Variants in PCDHGA12 observed in about 807,000 individuals in gnomAD.
The protein encoded by PCDHGA12 is protocadherin gamma subfamily A, 12, also known as protocadherin gamma-A12.
PCDHGA12 carries 43 observed loss-of-function variants against 61.1 expected under a neutral mutation model. The observed-to-expected ratio is 0.70, with a 90% CI of 0.55 to 0.91. The LOEUF is 0.91. PCDHGA12 is among the 40% of genes least tolerant of loss of function. The pLI is 0.00. For missense variants in PCDHGA12, 1,236 were observed against 1,227.7 expected (o/e 1.01, Z -0.10); for synonymous variants, 520 against 542.9 (o/e 0.96, Z 0.59).
intron 1 of PCDHGA12, among the ~76,000 whole-genome samples, chr5:141,472,980 C>CAAAAAAAAAAAAAAAAAGAAAAAAA (rs2099309731): frequency 1.2e-5 from 1 of 86,102 alleles, no homozygotes; most frequent in African/African-American, 3.9e-5. Flanking sequence ...GAGTGAAACT[C>CAAAAAAAAAAAAAAAAAGAAAAAAA]AAAAAAAAAA....
chr5:141,511,041 C>T lies in PCDHGA12; in HGVS notation c.2667C>T (p.Pro889=), dbSNP rs1421629777. 1.5e-5 allele frequency: 24 copies of T among 1,614,076 alleles called. No individual in the cohort carries two copies. The highest frequency in any genetic ancestry group is 5.5e-5 in the South Asian group (5 of 91,092). Residue 889 remains proline, a synonymous_variant, in exon 4 of 4, where the codon CCC becomes CCT. Transcript: ENST00000252085. The part of the protein sequence containing the change: ...YGPQFTLQHV[P]DYRQNVYIPG... ...CCCAGTTCACCCTGCAGCACGTGCCCGACTACCGCCAGAATGTCTACATCC... is the reference window on the plus strand; with the variant it reads ...CCCAGTTCACCCTGCAGCACGTGCCTGACTACCGCCAGAATGTCTACATCC...
At chr5:141,501,288 T>TATACAC (rs201660636) in intron 2 of PCDHGA12, among the ~76,000 whole-genome samples, 3,536 of 81,176 alleles carry the variant, frequency 0.044, 56 homozygotes, top group Admixed American at 0.065. Flanking sequence ...GATATTCCCT[T>TATACAC]ATACACACAC....
intron 1 of PCDHGA12, chr5:141,442,507 G>C (rs1394231840): frequency 1.3e-5 from 2 of 152,208 alleles, no homozygotes; most frequent in Non-Finnish European, 1.5e-5. Flanking sequence ...TATTCTAATT[G>C]CTTGGGCAGA....
rs1228771998 is a variant in PCDHGA12 at position 141,477,832 on chromosome 5, A to G, written c.2425-16975A>G. The stretch of plus-strand genomic sequence containing the variant: ...CCCCCCAGGTCCTATATCCTCGGCC[A>G]GGTGGGAGCTCGGTGGAGATGCTGC... On this transcript the variant is annotated intron_variant, in intron 1 of 3. Transcript: ENST00000252085. This position sits in a 1 kb window ranked among gnomAD's most constrained non-coding sequence, Gnocchi z 4.9. 1.2e-6 allele frequency: 2 copies of G among 1,614,166 alleles called. No homozygotes were observed. Among genetic ancestry groups the G allele is most frequent in the South Asian group, 1.1e-5 (1 of 91,086 alleles).
At position 141,437,305 on chromosome 5, in the gene PCDHGA12, G is replaced by A. The variant is rs369317069; in HGVS notation, c.2424+4122G>A. On this transcript the variant is annotated intron_variant, in intron 1 of 3. Transcript: ENST00000252085. ...TATCCATTTCATCTAACAAGTTAAA[G>A]CGTTCAGCTATAATTTAAAATTTGT... 1.8e-4 allele frequency among the ~76,000 whole-genome samples: 28 copies of A among 152,266 alleles called. No homozygotes were observed. In the South Asian group the frequency reaches 4.8e-3, roughly 26 times the overall value.
chr5:141,487,001 C>T lies in PCDHGA12; in HGVS notation c.2425-7806C>T. ...TTACAATGCTTGGGTTTCCTATCAG[C>T]TCCTGGAGGCCCCAGATCCCAGCCT... On this transcript the variant is annotated intron_variant, in intron 1 of 3. Transcript: ENST00000252085. This position sits in a 1 kb window ranked among gnomAD's most constrained non-coding sequence, Gnocchi z 5.0. 6.2e-7 allele frequency: 1 copy of T among 1,614,218 alleles called. No individual in the cohort carries two copies. The highest frequency in any genetic ancestry group is 8.5e-7 in the Non-Finnish European group (1 of 1,180,038).
At chr5:141,478,467 G>T (rs2099457769) in intron 1 of PCDHGA12, 1 of 1,613,656 alleles carries the variant, frequency 6.2e-7, no homozygotes, top group South Asian at 1.1e-5. Flanking sequence ...CCACTGGCCA[G>T]CCGCCAGAAC....
intron 1 of PCDHGA12, among the ~76,000 whole-genome samples, chr5:141,461,151 C>A (rs1424467673): frequency 6.6e-6 from 1 of 152,022 alleles, no homozygotes; most frequent in African/African-American, 2.4e-5. Context: ...TGGGTAGATA[C>A]CCAATAGTGG....
Position 141,476,370 on chromosome 5 carries a change from A to G in PCDHGA12, c.2425-18437A>G, listed in dbSNP as rs747703594. 13 of 1,613,882 alleles carry G rather than the reference A, an allele frequency of 8.1e-6. No individual in the cohort carries two copies. In the East Asian group the frequency reaches 2.7e-4, roughly 33 times the overall value. On this transcript the variant is annotated intron_variant, in intron 1 of 3. Transcript: ENST00000252085. This position sits in a 1 kb window ranked among gnomAD's most constrained non-coding sequence, Gnocchi z 7.6. ...TTTGAGGTGAACCGGGAGACCGGAG[A>G]GATGTTTGTGAACGACCGTCTGGAT...
Position 141,489,075 on chromosome 5 carries a change from C to A in PCDHGA12, c.2425-5732C>A. The A allele has an allele frequency of 3.1e-6, 1 of 324,814 alleles. No individual in the cohort carries two copies. The highest frequency in any genetic ancestry group is 5.5e-6 in the Non-Finnish European group (1 of 180,380). The allele number at this position is 324,814 out of a possible 1,614,324, so 20.1% of individuals were successfully genotyped here. A position where few individuals can be genotyped will look rare whatever the true frequency, so the allele number is the denominator to read the frequency against. ...TCAGCTCCCCTCCCCCCTGCCCACCCCCGCCACTCGGTGACTAAGAACTGC... is the reference window on the plus strand; with the variant it reads ...TCAGCTCCCCTCCCCCCTGCCCACCACCGCCACTCGGTGACTAAGAACTGC... On this transcript the variant is annotated intron_variant, in intron 1 of 3. Coordinates refer to ENST00000252085, the MANE Select transcript of PCDHGA12 (RefSeq NM_003735.3). The surrounding 1 kb of genome is among the most constrained non-coding windows in gnomAD (Gnocchi z 4.5).
chr5:141,485,888 G>T lies in PCDHGA12; in HGVS notation c.2425-8919G>T, dbSNP rs1166795987. 3 of 1,614,028 alleles carry T rather than the reference G, an allele frequency of 1.9e-6. No homozygotes were observed. The highest frequency in any genetic ancestry group is 2.5e-6 in the Non-Finnish European group (3 of 1,180,032). ...ATCCGTGCTGGACGTAAACGACAAC[G>T]CCCCAGCCTTCCAGCAATCCAGCTA... On this transcript the variant is annotated intron_variant, in intron 1 of 3. Coordinates refer to ENST00000252085, the MANE Select transcript of PCDHGA12 (RefSeq NM_003735.3). The surrounding 1 kb of genome is among the most constrained non-coding windows in gnomAD (Gnocchi z 5.7).
chr5:141,500,294 C>T (rs755761935), intron 2 of PCDHGA12, among the ~76,000 whole-genome samples: 3 of 151,732 alleles, frequency 2.0e-5, no homozygotes, highest in Non-Finnish European at 2.9e-5. Flanking sequence ...CTGCAAGCTC[C>T]GCCTCCCAGG....
rs1012728568 is a variant in PCDHGA12 at position 141,495,487 on chromosome 5, T to C, written c.2483+622T>C. Among the ~76,000 whole-genome samples, 22 of 152,328 alleles carry C rather than the reference T, an allele frequency of 1.4e-4. 1 individual carries two copies. The East Asian group carries it at 4.1e-3, about 28-fold the overall frequency. ...GGGGTCTCCGTGTCTCTGCCCCTTT[T>C]TCTTGAGTTTCCGTCTTTGCCACTT... On this transcript the variant is annotated intron_variant, in intron 2 of 3. Coordinates refer to ENST00000252085, the MANE Select transcript of PCDHGA12 (RefSeq NM_003735.3).
At chr5:141,488,146 A>G (rs1458115635) in intron 1 of PCDHGA12, among the ~76,000 whole-genome samples, 2 of 152,164 alleles carry the variant, frequency 1.3e-5, no homozygotes, top group South Asian at 4.1e-4. Context: ...AACTAAAGGA[A>G]TAGAGAGGCA....
rs146860480 is a variant in PCDHGA12 at position 141,474,581 on chromosome 5, T to G, written c.2425-20226T>G. ...GGTTTTCAGAGATTAATTGAAGTGTTAAAGACATGGAAATATAGGTCACAT... is the reference window on the plus strand; with the variant it reads ...GGTTTTCAGAGATTAATTGAAGTGTGAAAGACATGGAAATATAGGTCACAT... On this transcript the variant is annotated intron_variant, in intron 1 of 3. Transcript: ENST00000252085. Among the ~76,000 whole-genome samples the G allele has an allele frequency of 7.1e-4, 108 of 152,358 alleles. No homozygotes were observed. The East Asian group carries it at 0.015, about 21-fold the overall frequency.
rs746318177 is a variant in PCDHGA12 at position 141,431,715 on chromosome 5, T to G, written c.956T>G (p.Val319Gly). The change falls in exon 1 of 4, where the codon GTG becomes GGG. Residue 319 changes from valine to glycine, a missense_variant. Coordinates refer to ENST00000252085, the MANE Select transcript of PCDHGA12 (RefSeq NM_003735.3). The surrounding 1 kb of genome is among the most constrained non-coding windows in gnomAD (Gnocchi z 4.8). Reference sequence around the variant, plus strand: ...GAGTCAGGATTCTACCAGATGGAAGTGCAAGCAATGGATAATGCAGGATAT... The same window carrying G: ...GAGTCAGGATTCTACCAGATGGAAGGGCAAGCAATGGATAATGCAGGATAT... ...HEESGFYQME[V>G]QAMDNAGYSA... 5.6e-6 allele frequency: 9 copies of G among 1,614,178 alleles called. No homozygotes were observed. The highest frequency in any genetic ancestry group is 6.8e-6 in the Non-Finnish European group (8 of 1,180,042).
chr5:141,443,708 T>G (rs2098400247), intron 1 of PCDHGA12, among the ~76,000 whole-genome samples: 1 of 152,192 alleles, frequency 6.6e-6, no homozygotes, highest in Non-Finnish European at 1.5e-5. Context: ...GAATAACATT[T>G]GCATATAAAA....
At position 141,450,045 on chromosome 5, in the gene PCDHGA12, C is replaced by T. The variant is rs369046547; in HGVS notation, c.2424+16862C>T. On this transcript the variant is annotated intron_variant, in intron 1 of 3. Transcript: ENST00000252085. Reference sequence around the variant, plus strand: ...TTTTTGAGACAGGGTCTCACTCTTTCGCCCAGGCTGGAATGCAGTGGTATG... The same window carrying T: ...TTTTTGAGACAGGGTCTCACTCTTTTGCCCAGGCTGGAATGCAGTGGTATG... 4.6e-5 allele frequency among the ~76,000 whole-genome samples: 6 copies of T among 129,508 alleles called. No individual in the cohort carries two copies. In the South Asian group the frequency reaches 9.6e-4, roughly 21 times the overall value. 85.0% of individuals were successfully genotyped at this position (129,508 alleles called of 152,430 possible).
In PCDHGA12 at chr5:141,512,874, C is replaced by G. The variant is rs2099884476; in HGVS notation, c.*1701C>G. The G allele has an allele frequency of 6.6e-6, 1 of 152,246 alleles. No homozygotes were observed. Among genetic ancestry groups the G allele is most frequent in the Non-Finnish European group, 1.5e-5 (1 of 68,062 alleles). 9.4% of individuals were successfully genotyped at this position (152,246 alleles called of 1,614,324 possible). ...CTTCTCTTCGCATAGTCACGTAGCT[C>G]CCACCCCACCCTCTTCCTGTGTCTC... On this transcript the variant is annotated 3_prime_UTR_variant, in exon 4 of 4. Transcript: ENST00000252085.
Sources: allele counts gnomAD v4.1 joint callset (sites outside exome capture counted in the v4.1 genomes callset), GRCh38; gene constraint gnomAD v4.1.1; non-coding constraint Gnocchi (gnomAD v3.1); transcripts MANE v1.5; gene names NCBI Gene and HGNC (gene_info 2026-07-23, HGNC 2026-07-21).